The following ADAMTS7 variants were observed in gnomAD, a reference collection of about 807,000 sequenced individuals.
ADAMTS7 encodes the protein A disintegrin and metalloproteinase with thrombospondin motifs 7.
Under a neutral mutation model 172.6 loss-of-function variants are expected in ADAMTS7, and 89 were observed. The ratio of observed to expected loss-of-function variants is 0.52; its 90% CI spans 0.43 to 0.61. ADAMTS7 has a LOEUF of 0.61. Ranked by LOEUF, ADAMTS7 falls within the 20% of genes least tolerant of loss-of-function variation. The pLI is 0.00. For synonymous variants in ADAMTS7, 885 were observed against 978.4 expected, an observed-to-expected ratio of 0.90 and a Z score of 1.78; for missense variants, 1,973 against 2,355.6, an observed-to-expected ratio of 0.84 and a Z score of 3.36.
intron 8 of ADAMTS7, 134 bp from the exon 9 acceptor site, chr15:78,777,722 C>G (rs370578147): frequency 8.2e-5 from 98 of 1,195,376 alleles, no homozygotes; most frequent in Non-Finnish European, 1.1e-4. Flanking sequence ...CCAGCCTCCC[C>G]GCTCGGCTCA....
intron 23 of ADAMTS7, among the ~76,000 whole-genome samples, chr15:78,760,625 G>A (rs1345858640): frequency 2.0e-5 from 3 of 152,304 alleles, no homozygotes; most frequent in South Asian, 4.1e-4. Context: ...GCAAATGGAT[G>A]TGGCCATGCT....
At chr15:78,781,156 G>A (rs1332147577) in intron 8 of ADAMTS7, among the ~76,000 whole-genome samples, 3 of 152,172 alleles carry the variant, frequency 2.0e-5, no homozygotes, top group East Asian at 1.9e-4. Context: ...CCTCTGCGAC[G>A]CCCCCAAGTC....
In ADAMTS7 at chr15:78,771,903, T is replaced by C. The variant is rs764698789; in HGVS notation, c.2132-74A>G. 3 of 1,551,416 alleles carry C rather than the reference T, an allele frequency of 1.9e-6. No homozygotes were observed. The highest frequency in any genetic ancestry group is 2.6e-6 in the Non-Finnish European group (3 of 1,153,140). Reference sequence around the variant, plus strand: ...CTTATCCCCACCCGCTCCCCTCATGTCTCTCCCCACTTGCCTCCGCCTGCT... The same window carrying C: ...CTTATCCCCACCCGCTCCCCTCATGCCTCTCCCCACTTGCCTCCGCCTGCT... On this transcript the variant is annotated intron_variant, in intron 14 of 23. Transcript: ENST00000388820. This position sits in a 1 kb window ranked among gnomAD's most constrained non-coding sequence, Gnocchi z 4.9.
intron 22 of ADAMTS7, among the ~76,000 whole-genome samples, chr15:78,763,385 G>A (rs1414909745): frequency 6.6e-6 from 1 of 152,178 alleles, no homozygotes; most frequent in East Asian, 1.9e-4. Flanking sequence ...GCCCCCTCAA[G>A]CTCGTCATTC....
chr15:78,802,757 G>A (rs1482308979), intron 1 of ADAMTS7, among the ~76,000 whole-genome samples: 1 of 152,200 alleles, frequency 6.6e-6, no homozygotes, highest in Non-Finnish European at 1.5e-5. Context: ...AGCACTTTGG[G>A]AGGCCGAGGC....
At chr15:78,804,631 C>G (rs1006038136) in intron 1 of ADAMTS7, among the ~76,000 whole-genome samples, 14 of 142,714 alleles carry the variant, frequency 9.8e-5, no homozygotes, top group Non-Finnish European at 2.1e-4. Flanking sequence ...CTGCACATGC[C>G]AGTGCTGTGC....
In ADAMTS7 at chr15:78,790,665, A is replaced by T; in HGVS notation, c.1028+5T>A. The T allele has an allele frequency of 6.2e-7, 1 of 1,613,428 alleles. No individual in the cohort carries two copies. The highest frequency in any genetic ancestry group is 8.5e-7 in the Non-Finnish European group (1 of 1,179,920). On this transcript the variant is annotated splice_donor_5th_base_variant and intron_variant, in intron 6 of 23. Transcript: ENST00000388820. Reference sequence around the variant, plus strand: ...CAGGCTCCCACCCTCCTGCGGCTGCAGTACCTGGTGAGCAGGATGGCAGTG... The same window carrying T: ...CAGGCTCCCACCCTCCTGCGGCTGCTGTACCTGGTGAGCAGGATGGCAGTG...
At chr15:78,797,802 G>T in intron 3 of ADAMTS7, 146 bp downstream of exon 3, 1 of 954,408 alleles carries the variant, frequency 1.0e-6, no homozygotes, top group Non-Finnish European at 1.5e-6. Context: ...TAAGGGCACA[G>T]GCTATGGTAA....
intron 17 of ADAMTS7, 121 bp from the exon 18 acceptor site, chr15:78,767,713 G>T: frequency 1.1e-6 from 1 of 914,382 alleles, no homozygotes; most frequent in Non-Finnish European, 1.6e-6. Flanking sequence ...TGGGACTGAG[G>T]CCAGTGGTTG....
intron 2 of ADAMTS7, 50 bp from the exon 3 acceptor site, chr15:78,798,163 T>A: frequency 6.7e-7 from 1 of 1,495,426 alleles, no homozygotes; most frequent in Non-Finnish European, 8.9e-7. Flanking sequence ...CCTCAGCTGC[T>A]CTTCTTGCAC....
Position 78,766,602 on chromosome 15 carries a change from A to G in ADAMTS7, c.3309T>C (p.Ala1103=). ...GCACGGGGCTACCCGTGGAGGGCGC[A>G]GCAGGATGGCTGTGTGGTGGGGGTG... is the stretch of plus-strand genomic sequence containing the variant. ...DRTPPPHSHP[A]APSTGSPVPA... Residue 1103 remains alanine, a synonymous_variant, in exon 19 of 24, where the codon GCT becomes GCC. Coordinates refer to ENST00000388820, the MANE Select transcript of ADAMTS7 (RefSeq NM_014272.5). 2 of 1,605,458 alleles carry G rather than the reference A, an allele frequency of 1.2e-6. No individual in the cohort carries two copies. The highest frequency in any genetic ancestry group is 1.7e-6 in the Non-Finnish European group (2 of 1,177,634).
At chr15:78,808,533 G>T (rs1018773161) in intron 1 of ADAMTS7, among the ~76,000 whole-genome samples, 7 of 152,096 alleles carry the variant, frequency 4.6e-5, no homozygotes, top group African/African-American at 1.4e-4. Context: ...ACTGCAGCCC[G>T]CCAGCATTAC....
At chr15:78,782,450 G>C (rs1182577137) in intron 8 of ADAMTS7, among the ~76,000 whole-genome samples, 1 of 143,888 alleles carries the variant, frequency 6.9e-6, no homozygotes, top group Non-Finnish European at 1.5e-5. Flanking sequence ...AATGGACCTG[G>C]TCACATCCCT....
chr15:78,810,544 C>T (rs1455674395), intron 1 of ADAMTS7: 2 of 152,362 alleles, frequency 1.3e-5, no homozygotes, highest in East Asian at 3.8e-4. Context: ...CGTCTTCACA[C>T]TTGGGGAAGG....
intron 8 of ADAMTS7, 119 bp from the exon 9 acceptor site, chr15:78,777,707 A>T: frequency 3.8e-6 from 5 of 1,305,706 alleles, no homozygotes; most frequent in Non-Finnish European, 5.2e-6. Flanking sequence ...CAACTGTAGG[A>T]AACTCCAGCC....
chr15:78,798,239 C>G, intron 2 of ADAMTS7, 126 bp from the exon 3 acceptor site: 1 of 888,944 alleles, frequency 1.1e-6, no homozygotes, highest in East Asian at 3.1e-5. Flanking sequence ...TGCCCGCGGA[C>G]ACACTGTACT....
rs778559290 is a variant in ADAMTS7, at chr15:78,788,321, C to T, written c.1232G>A (p.Arg411Gln). The change falls in exon 8 of 24, where the codon CGA becomes CAA. Residue 411 changes from arginine to glutamine, a missense_variant. Arg to Gln is a conservative substitution (Grantham distance 43, BLOSUM62 1). Transcript: ENST00000388820. ...GAGCTGTGGAGACATGATGAAAGGT[C>T]GTTTCCCAACGGGCTCACAGTCATT... ...SGNDCEPVGK[R>Q]PFIMSPQLLY... is the part of the protein sequence containing the mutation. 3.1e-6 allele frequency: 5 copies of T among 1,613,442 alleles called. No homozygotes were observed. The highest frequency in any genetic ancestry group is 2.2e-5 in the East Asian group (1 of 44,900).
chr15:78,767,697 T>A, intron 17 of ADAMTS7, 105 bp from the exon 18 acceptor site: 1 of 1,095,034 alleles, frequency 9.1e-7, no homozygotes, highest in Non-Finnish European at 1.3e-6. Context: ...GGCATTTGGG[T>A]AGAGCTGGGA....
At chr15:78,776,002 T>G (rs1231245658) in intron 11 of ADAMTS7, among the ~76,000 whole-genome samples, 186 bp downstream of exon 11, 1 of 152,156 alleles carries the variant, frequency 6.6e-6, no homozygotes, top group East Asian at 1.9e-4. Flanking sequence ...GGGTCAGAAG[T>G]GGGGACCCTG....
Sources: gnomAD v4.1 joint callset for allele counts (sites outside exome capture counted in the v4.1 genomes callset) on GRCh38, gnomAD v4.1.1 for gene constraint, Gnocchi (gnomAD v3.1) non-coding constraint, MANE v1.5 for transcripts, NCBI Gene and HGNC (gene_info 2026-07-23, HGNC 2026-07-21) for gene names.